Variants in NLGN1 observed in about 807,000 individuals in gnomAD.
The protein encoded by NLGN1 is neuroligin-1.
In NLGN1, 12 loss-of-function variants were observed where a neutral mutation model predicts 65.5. The ratio of observed to expected loss-of-function variants is 0.18; its 90% CI spans 0.12 to 0.30. The LOEUF is 0.30. NLGN1 is among the 10% of genes least tolerant of loss of function. NLGN1 has a pLI of 1.00. For synonymous variants in NLGN1, 350 were observed against 359.5 expected (o/e 0.97, Z 0.30); for missense variants, 750 against 1,007.1 (o/e 0.74, Z 3.46).
At chr3:173,768,300 C>A (rs899683391) in intron 3 of NLGN1, among the ~76,000 whole-genome samples, 1 of 152,162 alleles carries the variant, frequency 6.6e-6, no homozygotes, top group Non-Finnish European at 1.5e-5. Context: ...AGCTCTTCTT[C>A]TCCAATCAGA....
chr3:173,610,546 A>G (rs374292188), intron 3 of NLGN1, among the ~76,000 whole-genome samples: 200 of 152,136 alleles, frequency 1.3e-3, no homozygotes, highest in African/African-American at 4.7e-3. Context: ...AACAAAAGAA[A>G]CAAGACAACA....
intron 4 of NLGN1, among the ~76,000 whole-genome samples, chr3:173,860,164 T>A (rs1728779848): frequency 6.6e-6 from 1 of 152,028 alleles, no homozygotes; most frequent in South Asian, 2.1e-4. Flanking sequence ...ACTCACTATT[T>A]CTAGTTTCTT....
At position 174,264,437 on chromosome 3, in the gene NLGN1, C is replaced by G. The variant is rs1407588278; in HGVS notation, c.647-10878C>G. On this transcript the variant is annotated intron_variant, in intron 4 of 6. Transcript: ENST00000457714. Reference sequence around the variant, plus strand: ...TCTCGCTTCATTTCATTCATTTCATCTTCCATCGCTGATACCCTTTCTTCT... The same window carrying G: ...TCTCGCTTCATTTCATTCATTTCATGTTCCATCGCTGATACCCTTTCTTCT... 1.1e-4 allele frequency among the ~76,000 whole-genome samples: 16 copies of G among 148,412 alleles called. No individual in the cohort carries two copies. The East Asian group carries it at 3.4e-3, about 31-fold the overall frequency.
At chr3:173,628,954 A>G (rs1267586880) in intron 3 of NLGN1, among the ~76,000 whole-genome samples, 1 of 151,700 alleles carries the variant, frequency 6.6e-6, no homozygotes, top group Non-Finnish European at 1.5e-5. Flanking sequence ...TCGGCCTCCC[A>G]AAGTGCTGGG....
intron 3 of NLGN1, among the ~76,000 whole-genome samples, chr3:173,632,859 T>G (rs568739891): frequency 1.5e-3 from 231 of 150,574 alleles, no homozygotes; most frequent in Non-Finnish European, 2.0e-3. Flanking sequence ...GTTTTTTTTT[T>G]TTTTTTTTAA....
intron 2 of NLGN1, among the ~76,000 whole-genome samples, chr3:173,572,362 G>T (rs1396268624): frequency 2.0e-5 from 3 of 152,218 alleles, no homozygotes; most frequent in Admixed American, 6.5e-5. Flanking sequence ...GATTTGTTCA[G>T]ATTTGTAGTA....
chr3:173,442,129 T>C (rs1719311639), intron 2 of NLGN1, among the ~76,000 whole-genome samples: 1 of 152,112 alleles, frequency 6.6e-6, no homozygotes, highest in African/African-American at 2.4e-5. Context: ...GTTAGAAAAA[T>C]GCCAATAACA....
intron 3 of NLGN1, among the ~76,000 whole-genome samples, chr3:173,624,157 C>T (rs1293720027): frequency 2.0e-5 from 3 of 152,078 alleles, no homozygotes; most frequent in Admixed American, 6.6e-5. Context: ...TCATTTTTAT[C>T]GCTTTGGGCC....
intron 4 of NLGN1, among the ~76,000 whole-genome samples, chr3:174,008,714 G>A (rs1724936570): frequency 6.6e-6 from 1 of 152,034 alleles, no homozygotes; most frequent in East Asian, 1.9e-4. Flanking sequence ...GGAAGATCAG[G>A]AACACAGGGC....
intron 4 of NLGN1, among the ~76,000 whole-genome samples, chr3:173,884,213 G>A (rs1490291891): frequency 6.6e-6 from 1 of 151,790 alleles, no homozygotes; most frequent in Non-Finnish European, 1.5e-5. Context: ...ATTCTCTGGG[G>A]GAGATAAAAC....
At chr3:173,914,551 A>T (rs928119440) in intron 4 of NLGN1, among the ~76,000 whole-genome samples, 46 of 143,310 alleles carry the variant, frequency 3.2e-4, no homozygotes, top group Non-Finnish European at 6.2e-4. Context: ...ACACACACAC[A>T]CACACATATG....
At chr3:174,275,512 A>C in exon 5 of NLGN1, 1 of 1,611,868 alleles carries the variant, frequency 6.2e-7, no homozygotes, top group Non-Finnish European at 8.5e-7. Flanking sequence ...TAACCGTTGG[A>C]GCAATTCAAC....
intron 2 of NLGN1, among the ~76,000 whole-genome samples, chr3:173,475,717 TAA>T (rs1464422093): frequency 6.6e-6 from 1 of 152,216 alleles, no homozygotes; most frequent in Non-Finnish European, 1.5e-5. Flanking sequence ...CAATTACCAC[TAA>T]TCATTCCTCA....
At chr3:173,831,795 A>G (rs1010895002) in intron 4 of NLGN1, among the ~76,000 whole-genome samples, 2 of 152,280 alleles carry the variant, frequency 1.3e-5, no homozygotes, top group East Asian at 1.9e-4. Context: ...TGTTACAGTC[A>G]TATACCATTC....
At chr3:174,144,473 T>A (rs1722841355) in intron 4 of NLGN1, among the ~76,000 whole-genome samples, 1 of 152,188 alleles carries the variant, frequency 6.6e-6, no homozygotes. Flanking sequence ...TGGTTCTAGA[T>A]CCTTGAGGAA....
At chr3:174,227,048 G>T (rs548749689) in intron 4 of NLGN1, among the ~76,000 whole-genome samples, 2 of 152,108 alleles carry the variant, frequency 1.3e-5, no homozygotes, top group Non-Finnish European at 2.9e-5. Flanking sequence ...GTCTAGTAAG[G>T]TTTATGTAAT....
At chr3:174,203,952 A>T (rs1326756137) in intron 4 of NLGN1, among the ~76,000 whole-genome samples, 1 of 152,216 alleles carries the variant, frequency 6.6e-6, no homozygotes, top group African/African-American at 2.4e-5. Context: ...TCATTATTTT[A>T]AAATTACAAT....
chr3:173,537,949 A>G (rs1737730547), intron 2 of NLGN1, among the ~76,000 whole-genome samples: 1 of 152,192 alleles, frequency 6.6e-6, no homozygotes, highest in South Asian at 2.1e-4. Flanking sequence ...CAAAGGCATA[A>G]AGAGTTCAAA....
intron 2 of NLGN1, among the ~76,000 whole-genome samples, chr3:173,470,481 C>A (rs144311337): frequency 6.6e-6 from 1 of 152,022 alleles, no homozygotes; most frequent in Non-Finnish European, 1.5e-5. Flanking sequence ...ACACACGTAG[C>A]GCTTGTAGCA....
Sources: allele counts gnomAD v4.1 joint callset (sites outside exome capture counted in the v4.1 genomes callset), GRCh38; gene constraint gnomAD v4.1.1; transcripts MANE v1.5; gene names NCBI Gene and HGNC (gene_info 2026-07-23, HGNC 2026-07-21).